The following DISC1 variants were observed in gnomAD, a reference collection of about 807,000 sequenced individuals.
DISC1 encodes DISC1 scaffold protein.
In DISC1, 57 loss-of-function variants were observed where a neutral mutation model predicts 84.5. The ratio of observed to expected loss-of-function variants is 0.67; its 90% CI spans 0.55 to 0.84. The LOEUF is 0.84. DISC1 is among the 40% of genes least tolerant of loss of function. The pLI, the probability that DISC1 is intolerant of heterozygous loss-of-function variation, is 0.00. For missense variants in DISC1, 1,000 were observed against 1,057.8 expected, an observed-to-expected ratio of 0.95 and a Z score of 0.76; for synonymous variants, 411 against 415.2, an observed-to-expected ratio of 0.99 and a Z score of 0.12.
In DISC1 at chr1:231,938,282, C is replaced by T. The variant is rs371780565; in HGVS notation, c.1982-20546C>T. ...TGGGCCCAATCTAATCACATGAGCCCGTACAAGTGGAAGACTTTCTCAGGC... is the reference window on the plus strand; with the variant it reads ...TGGGCCCAATCTAATCACATGAGCCTGTACAAGTGGAAGACTTTCTCAGGC... On this transcript the variant is annotated intron_variant, in intron 9 of 12. Transcript: ENST00000439617. 3.3e-5 allele frequency among the ~76,000 whole-genome samples: 5 copies of T among 152,080 alleles called. No individual in the cohort carries two copies. The South Asian group carries it at 6.2e-4, about 19-fold the overall frequency.
chr1:231,662,230 A>G (rs1243155591), intron 1 of DISC1, among the ~76,000 whole-genome samples: 1 of 152,200 alleles, frequency 6.6e-6, no homozygotes, highest in Admixed American at 6.5e-5. Context: ...GTGGAATGGT[A>G]TCAGGGACCC....
At chr1:231,950,896 G>A (rs528526595) in intron 9 of DISC1, among the ~76,000 whole-genome samples, 142 of 152,252 alleles carry the variant, frequency 9.3e-4, no homozygotes, top group African/African-American at 3.2e-3. Flanking sequence ...GTCTACCTAT[G>A]TAAGTATCAA....
At chr1:231,754,486 ACT>A (rs2074930434) in intron 4 of DISC1, among the ~76,000 whole-genome samples, 1 of 152,092 alleles carries the variant, frequency 6.6e-6, no homozygotes, top group South Asian at 2.1e-4. Flanking sequence ...CCTTGTGAGA[ACT>A]CTATCACGAG....
chr1:231,720,695 A>G (rs2069548708), intron 3 of DISC1, among the ~76,000 whole-genome samples: 1 of 151,940 alleles, frequency 6.6e-6, no homozygotes, highest in African/African-American at 2.4e-5. Flanking sequence ...GACTACTTTT[A>G]GTTTTCTACC....
At chr1:231,864,653 T>C (rs1003843260) in intron 9 of DISC1, among the ~76,000 whole-genome samples, 1 of 152,012 alleles carries the variant, frequency 6.6e-6, no homozygotes, top group African/African-American at 2.4e-5. Context: ...ACAGGGAGAC[T>C]CGTCTCAAAA....
At chr1:231,743,080 C>G (rs1211232363) in intron 3 of DISC1, among the ~76,000 whole-genome samples, 1 of 152,136 alleles carries the variant, frequency 6.6e-6, no homozygotes, top group Non-Finnish European at 1.5e-5. Flanking sequence ...GTTGGATCAG[C>G]CTGCGCTCTC....
At chr1:231,899,256 T>G (rs529970253) in intron 9 of DISC1, among the ~76,000 whole-genome samples, 6 of 152,324 alleles carry the variant, frequency 3.9e-5, no homozygotes, top group African/African-American at 1.4e-4. Flanking sequence ...CCTGGTGGGC[T>G]TGTTGGAAAC....
At chr1:231,905,797 G>A (rs1163826215) in intron 9 of DISC1, among the ~76,000 whole-genome samples, 1 of 151,994 alleles carries the variant, frequency 6.6e-6, no homozygotes, top group South Asian at 2.1e-4. Context: ...GGATTCGATG[G>A]TAGTAGTCTA....
At chr1:231,773,680 A>G (rs150809235) in intron 6 of DISC1, among the ~76,000 whole-genome samples, 2,521 of 152,088 alleles carry the variant, frequency 0.017, 39 homozygotes, top group Non-Finnish European at 0.023. Context: ...CACTGCGCCC[A>G]GCCAATTGGA....
chr1:231,897,925 C>G lies in DISC1; in HGVS notation c.1982-60903C>G, dbSNP rs1486051697. 6.6e-6 allele frequency among the ~76,000 whole-genome samples: 1 copy of G among 152,092 alleles called. No individual in the cohort carries two copies. The highest frequency in any genetic ancestry group is 6.6e-5 in the Admixed American group (1 of 15,262). On this transcript the variant is annotated intron_variant, in intron 9 of 12. Coordinates refer to ENST00000439617, the MANE Select transcript of DISC1 (RefSeq NM_018662.3). This position sits in a 1 kb window ranked among gnomAD's most constrained non-coding sequence, Gnocchi z 4.5. ...TTCCTGGGGCAGGGGAGAGGTGGCC[C>G]TCGATTAAATATATACGAGCAAGTA...
At chr1:231,832,002 T>A (rs2082267217) in intron 9 of DISC1, among the ~76,000 whole-genome samples, 1 of 150,610 alleles carries the variant, frequency 6.6e-6, no homozygotes, top group Non-Finnish European at 1.5e-5. Context: ...GAAGGAAATA[T>A]GGGGAAATGG....
intron 9 of DISC1, among the ~76,000 whole-genome samples, chr1:231,955,089 TA>T (rs1458069661): frequency 2.6e-5 from 4 of 152,204 alleles, no homozygotes; most frequent in Non-Finnish European, 5.9e-5. Flanking sequence ...AGATTCTTTT[TA>T]AACATAAGAA....
intron 7 of DISC1, among the ~76,000 whole-genome samples, chr1:231,795,588 T>G (rs1426505240): frequency 6.6e-6 from 1 of 152,240 alleles, no homozygotes; most frequent in Non-Finnish European, 1.5e-5. Context: ...TGAAAGCCTT[T>G]GCTTAAAGAT....
intron 11 of DISC1, among the ~76,000 whole-genome samples, chr1:232,023,468 T>G (rs1669154034): frequency 6.6e-6 from 1 of 152,200 alleles, no homozygotes; most frequent in African/African-American, 2.4e-5. Flanking sequence ...AATGAACAAA[T>G]TATTTCTTTT....
At chr1:231,829,867 T>G (rs1211492280) in intron 9 of DISC1, among the ~76,000 whole-genome samples, 32 of 87,706 alleles carry the variant, frequency 3.6e-4, no homozygotes, top group East Asian at 1.1e-3. Context: ...CGGGCAGGAG[T>G]GGGGGGGTCA....
chr1:231,723,714 T>C lies in DISC1; in HGVS notation c.1117+21690T>C, dbSNP rs118188982. On this transcript the variant is annotated intron_variant, in intron 3 of 12. Transcript: ENST00000439617. Reference sequence around the variant, plus strand: ...TCAAATTCAGTCTTCCATTCATCTCTCCTTCCCTTCCCTGGCAGACAGACT... The same window carrying C: ...TCAAATTCAGTCTTCCATTCATCTCCCCTTCCCTTCCCTGGCAGACAGACT... 1.3e-5 allele frequency: 13 copies of C among 985,486 alleles called. No homozygotes were observed. The East Asian group carries it at 1.4e-3, about 103-fold the overall frequency. 61.0% of individuals were successfully genotyped at this position (985,486 alleles called of 1,614,324 possible). A position where few individuals can be genotyped will look rare whatever the true frequency, so the allele number is the denominator to read the frequency against.
At chr1:231,970,012 G>T (rs926947612) in intron 10 of DISC1, among the ~76,000 whole-genome samples, 1 of 152,120 alleles carries the variant, frequency 6.6e-6, no homozygotes, top group African/African-American at 2.4e-5. Flanking sequence ...ATGGACGTTT[G>T]GGTTGGTCCC....
At chr1:231,807,416 C>T (rs975181117) in intron 8 of DISC1, among the ~76,000 whole-genome samples, 3 of 152,234 alleles carry the variant, frequency 2.0e-5, no homozygotes, top group Non-Finnish European at 4.4e-5. Flanking sequence ...TCTGGTCCAT[C>T]TGTTGAGTCA....
chr1:231,635,884 C>T (rs1209593385), intron 1 of DISC1, among the ~76,000 whole-genome samples: 2 of 152,054 alleles, frequency 1.3e-5, no homozygotes, highest in East Asian at 3.9e-4. Context: ...CATTGAGAAG[C>T]CTATAGTCCC....
Sources: allele counts gnomAD v4.1 joint callset (sites outside exome capture counted in the v4.1 genomes callset), GRCh38; gene constraint gnomAD v4.1.1; non-coding constraint Gnocchi (gnomAD v3.1); transcripts MANE v1.5; gene names NCBI Gene and HGNC (gene_info 2026-07-23, HGNC 2026-07-21).